The following CDCP1 variants were observed in gnomAD, a reference collection of about 807,000 sequenced individuals.
CDCP1 encodes the protein CUB domain containing protein 1.
A neutral mutation model predicts 60.2 loss-of-function variants in CDCP1; 29 were observed. The ratio of observed to expected loss-of-function variants is 0.48; its 90% CI spans 0.36 to 0.66. CDCP1 has a LOEUF of 0.66. Ranked by LOEUF, CDCP1 falls within the 30% of genes least tolerant of loss-of-function variation. The pLI, the probability that CDCP1 is intolerant of heterozygous loss-of-function variation, is 0.00. For missense variants in CDCP1, 876 were observed against 1,074.3 expected (o/e 0.82, Z 2.58); for synonymous variants, 387 against 431.1 (o/e 0.90, Z 1.27).
rs1010131999 is a variant in CDCP1 at position 45,085,442 on chromosome 3, A to G, written c.*196T>C. 6.6e-6 allele frequency: 4 copies of G among 605,412 alleles called. No homozygotes were observed. The highest frequency in any genetic ancestry group is 5.6e-5 in the African/African-American group (3 of 53,976). The allele number at this position is 605,412 out of a possible 1,614,324, so 37.5% of individuals were successfully genotyped here. ...CATGAGCTGTCATGACTGTATCCAGATTGGAATTCATCATTTTCAATGTCT... is the reference window on the plus strand; with the variant it reads ...CATGAGCTGTCATGACTGTATCCAGGTTGGAATTCATCATTTTCAATGTCT... On this transcript the variant is annotated 3_prime_UTR_variant, in exon 9 of 9. Transcript: ENST00000296129. This position sits in a 1 kb window ranked among gnomAD's most constrained non-coding sequence, Gnocchi z 4.2.
chr3:45,138,901 T>C (rs1049543033), intron 1 of CDCP1, among the ~76,000 whole-genome samples: 1 of 152,148 alleles, frequency 6.6e-6, no homozygotes, highest in Non-Finnish European at 1.5e-5. Context: ...AAAAGAGGTT[T>C]ATTTAGCTCA....
intron 1 of CDCP1, among the ~76,000 whole-genome samples, chr3:45,125,083 G>A (rs929977460): frequency 5.9e-5 from 9 of 152,222 alleles, no homozygotes; most frequent in African/African-American, 1.9e-4. Context: ...GACTTAAGAT[G>A]GGTCTAAAAG....
chr3:45,137,721 G>A (rs1193814144), intron 1 of CDCP1, among the ~76,000 whole-genome samples: 1 of 150,976 alleles, frequency 6.6e-6, no homozygotes, highest in Non-Finnish European at 1.5e-5. Flanking sequence ...ATGGGAGGCT[G>A]AGGTAGCAGA....
intron 8 of CDCP1, among the ~76,000 whole-genome samples, chr3:45,088,536 G>A (rs1698238170): frequency 6.6e-6 from 1 of 152,216 alleles, no homozygotes; most frequent in Non-Finnish European, 1.5e-5. Flanking sequence ...AAGAGAGACT[G>A]AGGCAGTTAA....
At chr3:45,096,399 C>A (rs2125991605) in intron 4 of CDCP1, among the ~76,000 whole-genome samples, 1 of 151,990 alleles carries the variant, frequency 6.6e-6, no homozygotes, top group Admixed American at 6.6e-5. Context: ...CCGAGGCGGG[C>A]AGATCACCTG....
intron 2 of CDCP1, among the ~76,000 whole-genome samples, chr3:45,114,270 C>T (rs1413622010): frequency 6.6e-6 from 1 of 152,108 alleles, no homozygotes; most frequent in African/African-American, 2.4e-5. Context: ...GATTGGCATG[C>T]CTCGGAATCT....
chr3:45,109,160 G>A (rs980504197), intron 4 of CDCP1, among the ~76,000 whole-genome samples: 6 of 151,544 alleles, frequency 4.0e-5, no homozygotes, highest in South Asian at 2.1e-4. Flanking sequence ...CGTAGGCCAG[G>A]CTGGTCTCGA....
chr3:45,133,512 A>G (rs58058770), intron 1 of CDCP1, among the ~76,000 whole-genome samples: 1 of 13,982 alleles, frequency 7.2e-5, no homozygotes, highest in Admixed American at 8.1e-4. Context: ...AGGTCAGGAG[A>G]TCGAGACCAT....
chr3:45,117,492 T>C (rs774219316), intron 2 of CDCP1, among the ~76,000 whole-genome samples: 12 of 152,198 alleles, frequency 7.9e-5, no homozygotes, highest in Non-Finnish European at 1.6e-4. Context: ...ACATGAGTAG[T>C]AGCCCTGGAG....
intron 1 of CDCP1, among the ~76,000 whole-genome samples, chr3:45,133,024 C>CT (rs1200435963): frequency 1.3e-5 from 2 of 152,140 alleles, no homozygotes; most frequent in Non-Finnish European, 2.9e-5. Context: ...ATAGGCTGGG[C>CT]TTTTCCTGGA....
intron 6 of CDCP1, among the ~76,000 whole-genome samples, chr3:45,092,009 G>A (rs1390438170): frequency 6.6e-6 from 1 of 152,160 alleles, no homozygotes; most frequent in East Asian, 1.9e-4. Flanking sequence ...TGGCCAGGCT[G>A]CTCTTGAACT....
intron 8 of CDCP1, among the ~76,000 whole-genome samples, chr3:45,086,578 G>T (rs1434356050): frequency 6.6e-6 from 1 of 152,216 alleles, no homozygotes; most frequent in Non-Finnish European, 1.5e-5. Flanking sequence ...AGAGACTCAG[G>T]AGGCCAGGTT....
chr3:45,129,264 C>T (rs1699049084), intron 1 of CDCP1, among the ~76,000 whole-genome samples: 1 of 152,130 alleles, frequency 6.6e-6, no homozygotes, highest in Non-Finnish European at 1.5e-5. Context: ...GCGTATAAAC[C>T]CCTCTGAGAC....
chr3:45,105,138 A>G (rs1698540290), intron 4 of CDCP1, among the ~76,000 whole-genome samples: 1 of 152,128 alleles, frequency 6.6e-6, no homozygotes, highest in Non-Finnish European at 1.5e-5. Context: ...AGTTATTGAC[A>G]CTGTTGTAAA....
At chr3:45,105,756 A>G (rs1356639490) in intron 4 of CDCP1, among the ~76,000 whole-genome samples, 1 of 152,230 alleles carries the variant, frequency 6.6e-6, no homozygotes, top group East Asian at 1.9e-4. Flanking sequence ...CAGCAGGGCC[A>G]CTTGAACCTT....
intron 1 of CDCP1, among the ~76,000 whole-genome samples, chr3:45,134,211 G>A (rs987436514): frequency 4.6e-5 from 7 of 151,570 alleles, no homozygotes; most frequent in South Asian, 2.1e-4. Context: ...TGCAAGCTCC[G>A]CCTCCGGGGT....
intron 1 of CDCP1, among the ~76,000 whole-genome samples, chr3:45,126,428 G>A (rs968432071): frequency 8.6e-5 from 13 of 151,968 alleles, no homozygotes; most frequent in African/African-American, 2.7e-4. Flanking sequence ...TAGTCACATC[G>A]CCAAACTTGG....
rs1157977301 is a variant in CDCP1 at position 45,093,517 on chromosome 3, G to C, written c.1387C>G (p.Pro463Ala). ...GTATGCTGCTGCAGCTTCTGGGCTG[G>C]CACCAGCACCAGGCTGAGCCTGTCC... ...PKDRLSLVLV[P>A]AQKLQQHTHE... The change falls in exon 6 of 9, where the codon CCA (proline) becomes GCA (alanine). Residue 463 changes from proline (P) to alanine (A), a missense_variant. Transcript: ENST00000296129. 6.2e-7 allele frequency: 1 copy of C among 1,614,124 alleles called. No individual in the cohort carries two copies. Among genetic ancestry groups the C allele is most frequent in the Non-Finnish European group, 8.5e-7 (1 of 1,179,960 alleles).
chr3:45,086,037 C>T lies in CDCP1; in HGVS notation c.2112G>A (p.Val704=). The T allele has an allele frequency of 1.9e-6, 3 of 1,614,102 alleles. No homozygotes were observed. Among genetic ancestry groups the T allele is most frequent in the Non-Finnish European group, 2.5e-6 (3 of 1,180,006 alleles). Residue 704 remains valine, a synonymous_variant, in exon 9 of 9, where the codon GTG becomes GTA. Coordinates refer to ENST00000296129, the MANE Select transcript of CDCP1 (RefSeq NM_022842.5). ...TATTGATGTTGTCATTGTAGATACC[C>T]ACAGCGGGGCCCTTGTTTGTCTTCT... ...KKKKTNKGPA[V]GIYNDNINTE...
Sources: gnomAD v4.1 joint callset for allele counts (sites outside exome capture counted in the v4.1 genomes callset) on GRCh38, gnomAD v4.1.1 for gene constraint, Gnocchi (gnomAD v3.1) non-coding constraint, MANE v1.5 for transcripts, NCBI Gene and HGNC (gene_info 2026-07-23, HGNC 2026-07-21) for gene names.